SETBP1: variants seen among roughly 807,000 people sequenced by gnomAD.
The protein encoded by SETBP1 is SET-binding protein.
SETBP1 carries 9 observed loss-of-function variants against 101.0 expected under a neutral mutation model. The observed-to-expected ratio is 0.09, with a 90% CI of 0.05 to 0.16. SETBP1 has a LOEUF of 0.16. SETBP1 is among the 10% of genes least tolerant of loss of function. The probability of loss-of-function intolerance (pLI) is 1.00; values close to 1 mark genes in which losing one functional copy is unlikely to be tolerated. For synonymous variants in SETBP1, 818 were observed against 788.5 expected (o/e 1.04, Z -0.63); for missense variants, 1,858 against 2,033.8 (o/e 0.91, Z 1.66).
At chr18:44,727,920 A>G (rs1173144609) in intron 2 of SETBP1, among the ~76,000 whole-genome samples, 1 of 152,180 alleles carries the variant, frequency 6.6e-6, no homozygotes, top group Non-Finnish European at 1.5e-5. Context: ...CTCAGAACCC[A>G]AATTAAACCC....
intron 5 of SETBP1, among the ~76,000 whole-genome samples, chr18:45,040,328 A>C (rs187137596): frequency 2.6e-5 from 4 of 152,264 alleles, no homozygotes; most frequent in Admixed American, 1.3e-4. Context: ...ATGGATTAGT[A>C]GCACCTTGGT....
intron 4 of SETBP1, among the ~76,000 whole-genome samples, chr18:45,033,401 T>A (rs761934994): frequency 5.3e-5 from 8 of 152,232 alleles, no homozygotes; most frequent in African/African-American, 9.6e-5. Context: ...TTTTACCATT[T>A]GCCTCTTGTC....
intron 3 of SETBP1, among the ~76,000 whole-genome samples, chr18:44,902,130 C>T (rs1599298329): frequency 6.6e-6 from 1 of 152,062 alleles, no homozygotes; most frequent in African/African-American, 2.4e-5. Context: ...CTCAGTAGTT[C>T]GATGTGGCTA....
Position 44,902,784 on chromosome 18 carries a change from T to C in SETBP1, c.540+33501T>C, listed in dbSNP as rs112696273. Among the ~76,000 whole-genome samples, 746 of 152,262 alleles carry C rather than the reference T, an allele frequency of 4.9e-3. 7 individuals are homozygous for C. The highest frequency in any genetic ancestry group is 0.017 in the African/African-American group (711 of 41,554). The stretch of plus-strand genomic sequence containing the variant: ...TATTTTCAGAATAAATTCTGACTTA[T>C]GTTATTGGGATTATTAGTGCCTCAT... On this transcript the variant is annotated intron_variant, in intron 3 of 5. Transcript: ENST00000649279.
chr18:44,809,499 A>C (rs2071814232), intron 2 of SETBP1, among the ~76,000 whole-genome samples: 1 of 152,182 alleles, frequency 6.6e-6, no homozygotes, highest in Non-Finnish European at 1.5e-5. Context: ...AATCCTTGGA[A>C]CTGTGAGGGG....
At chr18:44,830,198 G>A (rs1022550531) in intron 2 of SETBP1, among the ~76,000 whole-genome samples, 1 of 152,188 alleles carries the variant, frequency 6.6e-6, no homozygotes, top group African/African-American at 2.4e-5. Flanking sequence ...GAGAAGAGGG[G>A]AGGTGATGTA....
At chr18:44,964,455 C>T (rs927970873) in intron 4 of SETBP1, among the ~76,000 whole-genome samples, 1 of 152,120 alleles carries the variant, frequency 6.6e-6, no homozygotes, top group Non-Finnish European at 1.5e-5. Context: ...GTCAGTATAT[C>T]CACCACTAAA....
intron 3 of SETBP1, among the ~76,000 whole-genome samples, chr18:44,906,959 T>C (rs1051771067): frequency 6.6e-6 from 1 of 152,234 alleles, no homozygotes; most frequent in African/African-American, 2.4e-5. Context: ...AGTATTACTT[T>C]CTAATTCCAG....
At chr18:44,772,210 GTGCA>G (rs1437750251) in intron 2 of SETBP1, among the ~76,000 whole-genome samples, 1 of 152,194 alleles carries the variant, frequency 6.6e-6, no homozygotes, top group Non-Finnish European at 1.5e-5. Flanking sequence ...ATTGGGTGGG[GTGCA>G]GGCTTTTCCT....
In SETBP1 at chr18:45,034,640, C is replaced by A. The variant is rs188841194; in HGVS notation, c.4001-3845C>A. On this transcript the variant is annotated intron_variant, in intron 4 of 5. Transcript: ENST00000649279. ...TCCGGCTGTGTCTTTTAATTAAGAA[C>A]AGATGTTGGATCCACAAAGTTATTA... Among the ~76,000 whole-genome samples the A allele has an allele frequency of 2.0e-5, 3 of 152,162 alleles. No homozygotes were observed. The East Asian group carries it at 5.8e-4, about 29-fold the overall frequency.
chr18:44,811,723 G>A (rs1388833983), intron 2 of SETBP1, among the ~76,000 whole-genome samples: 1 of 152,214 alleles, frequency 6.6e-6, no homozygotes, highest in Admixed American at 6.5e-5. Flanking sequence ...CCTACCATGA[G>A]GAGGAGTTAA....
intron 2 of SETBP1, among the ~76,000 whole-genome samples, chr18:44,712,406 C>T (rs1199449958): frequency 1.3e-5 from 2 of 152,178 alleles, no homozygotes; most frequent in African/African-American, 4.8e-5. Context: ...CCAGTTATTT[C>T]ATTTGTTTAG....
At chr18:45,010,860 C>T (rs2072823299) in intron 4 of SETBP1, among the ~76,000 whole-genome samples, 1 of 152,110 alleles carries the variant, frequency 6.6e-6, no homozygotes, top group South Asian at 2.1e-4. Context: ...AGTAATTTCT[C>T]GAGGTCATGG....
intron 2 of SETBP1, among the ~76,000 whole-genome samples, chr18:44,742,500 A>G (rs1221674429): frequency 1.3e-5 from 2 of 152,218 alleles, no homozygotes; most frequent in South Asian, 2.1e-4. Context: ...ATTGGCTGGC[A>G]TTGCTTTTCA....
chr18:44,683,862 C>A (rs189138950), intron 1 of SETBP1, among the ~76,000 whole-genome samples: 64 of 152,342 alleles, frequency 4.2e-4, no homozygotes, highest in Admixed American at 8.5e-4. Context: ...GATGGCATTT[C>A]AAGTTGCTTC....
intron 2 of SETBP1, among the ~76,000 whole-genome samples, chr18:44,733,935 C>T (rs1423860695): frequency 6.6e-6 from 1 of 152,148 alleles, no homozygotes; most frequent in Non-Finnish European, 1.5e-5. Context: ...GGCTGAGACC[C>T]TGAGGGCATT....
In SETBP1 at chr18:44,924,489, G is replaced by A. The variant is rs115691869; in HGVS notation, c.541-25392G>A. 5.2e-3 allele frequency among the ~76,000 whole-genome samples: 788 copies of A among 152,252 alleles called. 2 individuals carry two copies. Among genetic ancestry groups the A allele is most frequent in the African/African-American group, 0.017 (726 of 41,528 alleles). The stretch of plus-strand genomic sequence containing the variant: ...TAATGGTACAGCTGAGTAGAACTGT[G>A]TATACCCTTTATCATATTAGCCACT... On this transcript the variant is annotated intron_variant, in intron 3 of 5. Transcript: ENST00000649279.
At chr18:44,882,305 A>T (rs1235224277) in intron 3 of SETBP1, among the ~76,000 whole-genome samples, 2 of 152,154 alleles carry the variant, frequency 1.3e-5, no homozygotes, top group African/African-American at 4.8e-5. Context: ...CCCTCAGTCC[A>T]GGAAGGTGCT....
chr18:44,993,103 C>T (rs571796230), intron 4 of SETBP1, among the ~76,000 whole-genome samples: 2 of 152,058 alleles, frequency 1.3e-5, no homozygotes, highest in African/African-American at 4.8e-5. Context: ...TAACAGCCAA[C>T]GTTCATTTAT....
Sources: allele counts gnomAD v4.1 joint callset (sites outside exome capture counted in the v4.1 genomes callset), GRCh38; gene constraint gnomAD v4.1.1; transcripts MANE v1.5; gene names NCBI Gene and HGNC (gene_info 2026-07-23, HGNC 2026-07-21).